RBFOX1: variants seen among roughly 807,000 people sequenced by gnomAD.
RBFOX1 encodes RNA binding protein fox-1 homolog 1.
A neutral mutation model predicts 57.7 loss-of-function variants in RBFOX1; 8 were observed. The ratio of observed to expected loss-of-function variants is 0.14; its 90% confidence interval spans 0.08 to 0.25. RBFOX1 has a LOEUF of 0.25. Among genes scored for constraint, RBFOX1 ranks in the 10% least tolerant of loss-of-function variants. RBFOX1 has a pLI of 1.00. For missense variants in RBFOX1, 611 were observed against 548.5 expected (o/e 1.11, Z -1.14); for synonymous variants, 326 against 222.4 (o/e 1.47, Z -4.15).
intron 4 of RBFOX1, among the ~76,000 whole-genome samples, chr16:7,446,645 T>G (rs1167683451): frequency 6.6e-6 from 1 of 151,998 alleles, no homozygotes; most frequent in Non-Finnish European, 1.5e-5. Context: ...GAGCCTGTCT[T>G]CTCTTTACAC....
intron 3 of RBFOX1, among the ~76,000 whole-genome samples, chr16:6,655,976 A>G (rs895419536): frequency 2.0e-5 from 3 of 152,224 alleles, no homozygotes; most frequent in Non-Finnish European, 2.9e-5. Flanking sequence ...GGGAAGAATA[A>G]TGATACAGTA....
At chr16:6,465,385 A>G (rs1006580431) in intron 2 of RBFOX1, among the ~76,000 whole-genome samples, 1 of 152,226 alleles carries the variant, frequency 6.6e-6, no homozygotes, top group Non-Finnish European at 1.5e-5. Context: ...GTAAGAGTCA[A>G]GAAAATAACA....
chr16:7,545,884 C>T (rs558140295), intron 5 of RBFOX1, among the ~76,000 whole-genome samples: 1 of 152,082 alleles, frequency 6.6e-6, no homozygotes, highest in Non-Finnish European at 1.5e-5. Context: ...ACCAGGAATG[C>T]TGGTCCTGCC....
chr16:5,753,504 A>T (rs1406709881), intron 3 of RBFOX1, among the ~76,000 whole-genome samples: 1 of 152,138 alleles, frequency 6.6e-6, no homozygotes, highest in African/African-American at 2.4e-5. Context: ...GCGGCAACGG[A>T]GTTGCTTCTG....
intron 4 of RBFOX1, among the ~76,000 whole-genome samples, chr16:7,098,679 G>A (rs986102517): frequency 4.6e-5 from 7 of 152,218 alleles, no homozygotes; most frequent in Non-Finnish European, 8.8e-5. Flanking sequence ...TGGCTGGGTG[G>A]TGGCTCATGC....
At chr16:7,573,993 C>T (rs1040434368) in intron 5 of RBFOX1, among the ~76,000 whole-genome samples, 1 of 152,038 alleles carries the variant, frequency 6.6e-6, no homozygotes, top group Non-Finnish European at 1.5e-5. Flanking sequence ...AGCAAGTTTC[C>T]TAGCTTTTTC....
chr16:6,784,110 C>G (rs577031549), intron 3 of RBFOX1, among the ~76,000 whole-genome samples: 2 of 152,116 alleles, frequency 1.3e-5, no homozygotes, highest in South Asian at 2.1e-4. Context: ...TTGTATACCT[C>G]TGGGTTTCAT....
chr16:6,450,776 T>TATACATATATATATATAC (rs1555480492), intron 2 of RBFOX1, among the ~76,000 whole-genome samples: 1 of 41,764 alleles, frequency 2.4e-5, no homozygotes, highest in African/African-American at 1.4e-4. Flanking sequence ...TGTATATATA[T>TATACATATATATATATAC]ATATATATAT....
intron 3 of RBFOX1, among the ~76,000 whole-genome samples, chr16:5,777,318 G>T (rs1276220591): frequency 6.6e-6 from 1 of 152,180 alleles, no homozygotes. Flanking sequence ...TGACCCTGCT[G>T]CCTTCTTCTG....
chr16:7,023,989 C>G (rs887861340), intron 3 of RBFOX1, among the ~76,000 whole-genome samples: 11 of 152,054 alleles, frequency 7.2e-5, no homozygotes, highest in African/African-American at 2.4e-4. Flanking sequence ...GATAAGACAG[C>G]CACTTAGGTT....
chr16:5,984,515 G>A (rs2060243098), intron 4 of RBFOX1, among the ~76,000 whole-genome samples: 1 of 152,012 alleles, frequency 6.6e-6, no homozygotes, highest in Admixed American at 6.5e-5. Flanking sequence ...CAGCTGCTAT[G>A]CAAAAGGTTT....
intron 3 of RBFOX1, among the ~76,000 whole-genome samples, chr16:5,831,791 A>G (rs112068275): frequency 3.3e-5 from 5 of 152,292 alleles, no homozygotes; most frequent in Admixed American, 1.3e-4. Context: ...TAGCCATGCA[A>G]GATGGCCTAA....
intron 2 of RBFOX1, among the ~76,000 whole-genome samples, chr16:6,579,110 T>G (rs1223292532): frequency 1.6e-4 from 24 of 152,230 alleles, no homozygotes. Context: ...GATGTTATGT[T>G]TTCTTCTATT....
At chr16:5,824,711 C>T (rs1194032093) in intron 3 of RBFOX1, among the ~76,000 whole-genome samples, 1 of 152,240 alleles carries the variant, frequency 6.6e-6, no homozygotes, top group African/African-American at 2.4e-5. Context: ...AGGCCTCTCT[C>T]TTCCCACGCT....
At chr16:5,329,091 C>T (rs1313732300) in intron 1 of RBFOX1, among the ~76,000 whole-genome samples, 1 of 152,070 alleles carries the variant, frequency 6.6e-6, no homozygotes, top group Non-Finnish European at 1.5e-5. Context: ...CTCACGAATC[C>T]CATGGAGTAG....
intron 14 of RBFOX1, among the ~76,000 whole-genome samples, chr16:7,680,302 G>C (rs1176553348): frequency 6.6e-6 from 1 of 152,154 alleles, no homozygotes; most frequent in Non-Finnish European, 1.5e-5. Flanking sequence ...TTCCCTGTTT[G>C]ATCAACTGTG....
intron 3 of RBFOX1, among the ~76,000 whole-genome samples, chr16:5,688,032 A>C (rs1215626328): frequency 6.6e-6 from 1 of 152,216 alleles, no homozygotes; most frequent in Non-Finnish European, 1.5e-5. Flanking sequence ...TTCAGAAATC[A>C]ATACAAAATT....
intron 1 of RBFOX1, among the ~76,000 whole-genome samples, chr16:5,244,935 G>C (rs567386700): frequency 6.6e-6 from 1 of 152,322 alleles, no homozygotes; most frequent in East Asian, 1.9e-4. Context: ...GTTGCCCTGG[G>C]CTTTAATTCT....
intron 1 of RBFOX1, chr16:6,089,997 A>G (rs1351091728): frequency 6.6e-6 from 1 of 152,216 alleles, no homozygotes; most frequent in Non-Finnish European, 1.5e-5. Flanking sequence ...AACTGGGCTA[A>G]CATCACGAGG....
Sources: gnomAD v4.1 joint callset for allele counts (sites outside exome capture counted in the v4.1 genomes callset) on GRCh38, gnomAD v4.1.1 for gene constraint, MANE v1.5 for transcripts, NCBI Gene and HGNC (gene_info 2026-07-23, HGNC 2026-07-21) for gene names.